Variants in GABRB1 observed in about 807,000 individuals in gnomAD.
GABRB1 encodes gamma-aminobutyric acid type A receptor subunit beta1, also known as gamma-aminobutyric acid receptor subunit beta-1.
Under a neutral mutation model 51.6 loss-of-function variants are expected in GABRB1, and 17 were observed. That is an observed-to-expected ratio of 0.33 (90% confidence interval 0.23 to 0.49). GABRB1 has a LOEUF of 0.49. Among genes scored for constraint, GABRB1 ranks in the 20% least tolerant of loss-of-function variants. GABRB1 has a pLI of 0.99. For missense variants in GABRB1, 410 were observed against 600.6 expected (o/e 0.68, Z 3.32); for synonymous variants, 247 against 218.9 (o/e 1.13, Z -1.14).
At chr4:46,995,632 G>A (rs1480776733) in intron 1 of GABRB1, among the ~76,000 whole-genome samples, 2 of 152,042 alleles carry the variant, frequency 1.3e-5, no homozygotes, top group Non-Finnish European at 2.9e-5. Context: ...CCAAAGTGCT[G>A]GTATGACAGA....
intron 4 of GABRB1, among the ~76,000 whole-genome samples, chr4:47,255,716 C>T (rs1470294662): frequency 6.6e-6 from 1 of 152,194 alleles, no homozygotes; most frequent in Non-Finnish European, 1.5e-5. Context: ...ATTGCTGGGC[C>T]TCTTTCAGGG....
At chr4:47,265,099 A>T (rs954234102) in intron 4 of GABRB1, among the ~76,000 whole-genome samples, 7 of 152,086 alleles carry the variant, frequency 4.6e-5, no homozygotes, top group Non-Finnish European at 8.8e-5. Context: ...TAGTGTAACC[A>T]TCACTCCCCT....
intron 1 of GABRB1, among the ~76,000 whole-genome samples, chr4:47,001,882 T>G (rs1331143121): frequency 6.6e-6 from 1 of 152,246 alleles, no homozygotes; most frequent in Non-Finnish European, 1.5e-5. Flanking sequence ...GTTAAAATTT[T>G]TCTCACCTTT....
Position 47,399,398 on chromosome 4 carries a change from A to G in GABRB1, c.545-3920A>G, listed in dbSNP as rs187759066. Among the ~76,000 whole-genome samples, 43 of 152,364 alleles carry G rather than the reference A, an allele frequency of 2.8e-4. 1 individual carries two copies. In the East Asian group the frequency reaches 8.3e-3, roughly 29 times the overall value. ...TTGGAACTGTTTAAGTAGCAATAGA[A>G]TTATCAGTTCTTAAATGTCTGTTTG... On this transcript the variant is annotated intron_variant, in intron 5 of 8. Coordinates refer to ENST00000295454, the MANE Select transcript of GABRB1 (RefSeq NM_000812.4).
chr4:47,054,392 TCTCTTAGACTCA>T (rs1726497921), intron 3 of GABRB1, among the ~76,000 whole-genome samples: 1 of 152,166 alleles, frequency 6.6e-6, no homozygotes, highest in South Asian at 2.1e-4. Context: ...TCACTTGAAC[TCTCTTAGACTCA>T]CTTCTTTTTT....
rs544419057 is a variant in GABRB1, at chr4:47,407,008, G to A, written c.1080+82G>A. On this transcript the variant is annotated intron_variant, in intron 8 of 8. Transcript: ENST00000295454. ...CCTCGGGCTCTCATAACTTAAAAAC[G>A]ATTAATAAAAAAATAGTTGATATTT... The A allele has an allele frequency of 2.7e-4, 361 of 1,317,758 alleles. No individual in the cohort carries two copies. The Middle Eastern group carries it at 2.8e-3, about 10-fold the overall frequency. The allele number at this position is 1,317,758 out of a possible 1,614,324, so 81.6% of individuals were successfully genotyped here. A position where few individuals can be genotyped will look rare whatever the true frequency, so the allele number is the denominator to read the frequency against.
At chr4:47,211,261 A>G (rs1440759603) in intron 4 of GABRB1, among the ~76,000 whole-genome samples, 2 of 152,154 alleles carry the variant, frequency 1.3e-5, no homozygotes, top group Non-Finnish European at 2.9e-5. Flanking sequence ...AGGGTCTCCT[A>G]GTGAGTGGAG....
intron 4 of GABRB1, among the ~76,000 whole-genome samples, chr4:47,259,929 T>C: frequency 6.6e-6 from 1 of 152,206 alleles, no homozygotes; most frequent in Non-Finnish European, 1.5e-5. Flanking sequence ...AGTGGGGTGT[T>C]AAAGTCTCCC....
chr4:47,219,548 A>T (rs1560590599), intron 4 of GABRB1, among the ~76,000 whole-genome samples: 1 of 151,794 alleles, frequency 6.6e-6, no homozygotes, highest in Non-Finnish European at 1.5e-5. Context: ...AATCTTTTGG[A>T]CTCAGTGTTG....
At chr4:47,037,737 A>G (rs1232517736) in intron 3 of GABRB1, among the ~76,000 whole-genome samples, 1 of 152,182 alleles carries the variant, frequency 6.6e-6, no homozygotes, top group Non-Finnish European at 1.5e-5. Flanking sequence ...AGGTATGGTT[A>G]TCAGTGCTTT....
intron 4 of GABRB1, among the ~76,000 whole-genome samples, chr4:47,171,976 G>A (rs1718454574): frequency 1.3e-5 from 2 of 152,066 alleles, no homozygotes; most frequent in African/African-American, 4.8e-5. Flanking sequence ...GTATCAAAGA[G>A]TGTTTCTTAA....
At chr4:47,061,897 C>T (rs1726861131) in intron 3 of GABRB1, among the ~76,000 whole-genome samples, 1 of 152,062 alleles carries the variant, frequency 6.6e-6, no homozygotes, top group African/African-American at 2.4e-5. Flanking sequence ...CAGTTTAGCG[C>T]CTCTTAAATG....
At chr4:47,080,961 T>C (rs1048989434) in intron 3 of GABRB1, among the ~76,000 whole-genome samples, 1 of 152,212 alleles carries the variant, frequency 6.6e-6, no homozygotes, top group Non-Finnish European at 1.5e-5. Flanking sequence ...CTACTCAATA[T>C]GCAAGGCCAG....
chr4:47,297,287 C>CAA (rs578092217), intron 4 of GABRB1, among the ~76,000 whole-genome samples: 2 of 87,424 alleles, frequency 2.3e-5, no homozygotes. Context: ...AATAGAGACA[C>CAA]AAAAACCCTT....
Position 47,046,001 on chromosome 4 carries a change from T to G in GABRB1, c.240+13517T>G, listed in dbSNP as rs929498452. On this transcript the variant is annotated intron_variant, in intron 3 of 8. Transcript: ENST00000295454. ...TGGGAGGGAGCCAGTGGGAAGTGAC[T>G]GAAACATAGGGGCAGTTTCCTCCAT... Among the ~76,000 whole-genome samples the G allele has an allele frequency of 2.0e-5, 3 of 152,126 alleles. No individual in the cohort carries two copies. The East Asian group carries it at 5.8e-4, about 29-fold the overall frequency.
chr4:47,193,493 A>G (rs1719527473), intron 4 of GABRB1, among the ~76,000 whole-genome samples: 1 of 152,236 alleles, frequency 6.6e-6, no homozygotes, highest in South Asian at 2.1e-4. Flanking sequence ...GTCTGTAAGC[A>G]TTGATAATTT....
At chr4:47,222,863 C>A (rs1720813931) in intron 4 of GABRB1, among the ~76,000 whole-genome samples, 1 of 152,078 alleles carries the variant, frequency 6.6e-6, no homozygotes, top group Non-Finnish European at 1.5e-5. Flanking sequence ...AAGAACTCTG[C>A]AGTTTCTTTG....
intron 3 of GABRB1, among the ~76,000 whole-genome samples, chr4:47,038,966 C>A (rs1188140363): frequency 2.0e-5 from 3 of 152,036 alleles, no homozygotes; most frequent in Admixed American, 1.3e-4. Context: ...CAAAATACTT[C>A]TGTTTTCAGT....
intron 4 of GABRB1, among the ~76,000 whole-genome samples, chr4:47,307,850 G>T (rs1416571990): frequency 1.3e-5 from 2 of 151,808 alleles, no homozygotes; most frequent in African/African-American, 4.8e-5. Flanking sequence ...ACTTCATTCT[G>T]TTAGTAATTA....
Sources: allele counts gnomAD v4.1 joint callset (sites outside exome capture counted in the v4.1 genomes callset), GRCh38; gene constraint gnomAD v4.1.1; transcripts MANE v1.5; gene names NCBI Gene and HGNC (gene_info 2026-07-23, HGNC 2026-07-21).